Variants in DOCK2 observed in about 807,000 individuals in gnomAD.
The protein encoded by DOCK2 is dedicator of cytokinesis protein 2.
Under a neutral mutation model 248.9 loss-of-function variants are expected in DOCK2, and 87 were observed. The ratio of observed to expected loss-of-function variants is 0.35; its 90% CI spans 0.29 to 0.42. The LOEUF (loss-of-function observed/expected upper bound fraction) is 0.42. Among genes scored for constraint, DOCK2 ranks in the 10% least tolerant of loss-of-function variants. The pLI, the probability that DOCK2 is intolerant of heterozygous loss-of-function variation, is 1.00. For synonymous variants in DOCK2, 805 were observed against 821.6 expected (o/e 0.98, Z 0.35); for missense variants, 1,747 against 2,300.2 (o/e 0.76, Z 4.92).
intron 27 of DOCK2, among the ~76,000 whole-genome samples, chr5:169,971,161 C>G (rs1206217906): frequency 6.8e-6 from 1 of 146,386 alleles, no homozygotes; most frequent in Non-Finnish European, 1.5e-5. Flanking sequence ...ATTTAAGAGG[C>G]AAGAGGTGAA....
chr5:169,800,539 G>A (rs935481538), intron 25 of DOCK2, among the ~76,000 whole-genome samples: 2 of 152,094 alleles, frequency 1.3e-5, no homozygotes, highest in African/African-American at 4.8e-5. Context: ...ACGTTTATTG[G>A]AATTTAATTA....
chr5:170,012,553 CA>C (rs966709872), intron 32 of DOCK2, among the ~76,000 whole-genome samples: 1 of 152,166 alleles, frequency 6.6e-6, no homozygotes, highest in African/African-American at 2.4e-5. Context: ...TAACATTCTT[CA>C]GGGGCAAATC....
intron 2 of DOCK2, among the ~76,000 whole-genome samples, chr5:169,657,396 G>A (rs1758183532): frequency 6.6e-6 from 1 of 152,186 alleles, no homozygotes; most frequent in Non-Finnish European, 1.5e-5. Flanking sequence ...GTGTACCCGT[G>A]AAACCTTCTT....
At chr5:170,038,614 G>T (rs1452796398) in intron 36 of DOCK2, among the ~76,000 whole-genome samples, 1 of 152,136 alleles carries the variant, frequency 6.6e-6, no homozygotes, top group Admixed American at 6.6e-5. Flanking sequence ...CTGGAGCACT[G>T]TCATCACGAC....
intron 19 of DOCK2, 79 bp from the exon 20 acceptor site, chr5:169,716,134 A>G (rs1364414455): frequency 5.6e-6 from 7 of 1,239,150 alleles, no homozygotes; most frequent in African/African-American, 1.5e-5. Flanking sequence ...TCTCTTATAG[A>G]TAGTTAGGAG....
At chr5:169,812,316 C>T (rs1767808357) in intron 26 of DOCK2, among the ~76,000 whole-genome samples, 1 of 152,118 alleles carries the variant, frequency 6.6e-6, no homozygotes, top group South Asian at 2.1e-4. Context: ...AATCTAATGC[C>T]TAATGATCTG....
At chr5:169,774,259 G>GA (rs1419798332) in intron 25 of DOCK2, among the ~76,000 whole-genome samples, 1 of 152,148 alleles carries the variant, frequency 6.6e-6, no homozygotes, top group African/African-American at 2.4e-5. Flanking sequence ...GTACTGTGGG[G>GA]ACTATTAACA....
At chr5:170,000,128 T>C (rs563246695) in intron 30 of DOCK2, 1 of 152,290 alleles carries the variant, frequency 6.6e-6, no homozygotes, top group African/African-American at 2.4e-5. Flanking sequence ...GGTATTTTTG[T>C]TTAAGAGCAA....
intron 27 of DOCK2, among the ~76,000 whole-genome samples, chr5:169,876,156 G>T (rs527578422): frequency 2.2e-4 from 34 of 152,088 alleles, no homozygotes; most frequent in Non-Finnish European, 3.8e-4. Flanking sequence ...TGATCCTCTG[G>T]CCTCCCTCTT....
At chr5:169,946,865 G>A (rs1186951113) in intron 27 of DOCK2, among the ~76,000 whole-genome samples, 1 of 152,188 alleles carries the variant, frequency 6.6e-6, no homozygotes, top group African/African-American at 2.4e-5. Flanking sequence ...CCTGAATATC[G>A]AGATGGAGCC....
intron 17 of DOCK2, among the ~76,000 whole-genome samples, chr5:169,712,761 G>T (rs1280268229): frequency 6.6e-6 from 1 of 152,156 alleles, no homozygotes; most frequent in Non-Finnish European, 1.5e-5. Flanking sequence ...ATGAAAAATG[G>T]CCATCTAAAC....
intron 5 of DOCK2, 109 bp downstream of exon 5, chr5:169,671,283 CAT>C: frequency 1.1e-6 from 1 of 895,906 alleles, no homozygotes. Context: ...GCTTTGGTGA[CAT>C]AGCAGAGCGC....
At chr5:170,071,250 C>T (rs1339960149) in intron 46 of DOCK2, among the ~76,000 whole-genome samples, 1 of 152,226 alleles carries the variant, frequency 6.6e-6, no homozygotes, top group Non-Finnish European at 1.5e-5. Flanking sequence ...TTTATTGAGC[C>T]TCTGTTGTGT....
At chr5:169,862,717 A>C (rs775074237) in intron 27 of DOCK2, among the ~76,000 whole-genome samples, 1 of 152,238 alleles carries the variant, frequency 6.6e-6, no homozygotes, top group Non-Finnish European at 1.5e-5. Context: ...TTCCTTGCCA[A>C]ATTTCCCTTT....
chr5:169,852,191 C>T (rs1770652727), intron 27 of DOCK2, among the ~76,000 whole-genome samples: 1 of 152,088 alleles, frequency 6.6e-6, no homozygotes, highest in Non-Finnish European at 1.5e-5. Flanking sequence ...AAATTACCTC[C>T]AAATATCTCG....
chr5:169,895,574 G>A lies in DOCK2; in HGVS notation c.2799+54722G>A, dbSNP rs561803044. ...GGATCACACTCCCTAAAGCTCCTTCGGTGCCCCATGCTTTCACCCTGACTC... is the reference window on the plus strand; with the variant it reads ...GGATCACACTCCCTAAAGCTCCTTCAGTGCCCCATGCTTTCACCCTGACTC... On this transcript the variant is annotated intron_variant, in intron 27 of 51. Transcript: ENST00000520908. Among the ~76,000 whole-genome samples the A allele has an allele frequency of 3.3e-5, 5 of 151,496 alleles. No individual in the cohort carries two copies. In the South Asian group the frequency reaches 6.3e-4, roughly 19 times the overall value.
At chr5:169,754,036 C>T (rs576042310) in intron 23 of DOCK2, among the ~76,000 whole-genome samples, 1 of 152,122 alleles carries the variant, frequency 6.6e-6, no homozygotes, top group African/African-American at 2.4e-5. Flanking sequence ...AACTGTGTAT[C>T]ATTTCAAGAC....
intron 42 of DOCK2, 164 bp from the exon 43 acceptor site, chr5:170,056,520 T>A: frequency 1.8e-6 from 1 of 570,086 alleles, no homozygotes; most frequent in Non-Finnish European, 3.1e-6. Context: ...CAAAAGTCAC[T>A]CTTACGGAGC....
At chr5:169,912,232 T>G in intron 27 of DOCK2, among the ~76,000 whole-genome samples, 1 of 152,160 alleles carries the variant, frequency 6.6e-6, no homozygotes, top group East Asian at 1.9e-4. Flanking sequence ...ATTATTTTAT[T>G]TATTTATTTA....
Sources: gnomAD v4.1 joint callset for allele counts (sites outside exome capture counted in the v4.1 genomes callset) on GRCh38, gnomAD v4.1.1 for gene constraint, MANE v1.5 for transcripts, NCBI Gene and HGNC (gene_info 2026-07-23, HGNC 2026-07-21) for gene names.